WASL: variants seen among roughly 807,000 people sequenced by gnomAD.
The protein encoded by WASL is actin nucleation-promoting factor WASL.
Under a neutral mutation model 55.5 loss-of-function variants are expected in WASL, and 20 were observed. The ratio of observed to expected loss-of-function variants is 0.36; its 90% CI spans 0.25 to 0.52. The LOEUF is 0.52. Ranked by LOEUF, WASL falls within the 20% of genes least tolerant of loss-of-function variation. The probability of loss-of-function intolerance (pLI) is 0.92; values close to 1 mark genes in which losing one functional copy is unlikely to be tolerated. For synonymous variants in WASL, 249 were observed against 217.6 expected (o/e 1.14, Z -1.27); for missense variants, 504 against 622.5 (o/e 0.81, Z 2.03).
At position 123,731,709 on chromosome 7, in the gene WASL, C is replaced by T. The variant is rs140838571; in HGVS notation, c.117+16909G>A. On this transcript the variant is annotated intron_variant, in intron 1 of 10. Coordinates refer to ENST00000223023, the MANE Select transcript of WASL (RefSeq NM_003941.4). Reference sequence around the variant, plus strand: ...TAAATAATTCATGAGTCAAAGGAGTCTCAAGAGAAATTTTAAAATATTCTA... The same window carrying T: ...TAAATAATTCATGAGTCAAAGGAGTTTCAAGAGAAATTTTAAAATATTCTA... 3.6e-4 allele frequency among the ~76,000 whole-genome samples: 54 copies of T among 152,024 alleles called. 1 individual carries two copies. The East Asian group carries it at 0.01, about 28-fold the overall frequency.
intron 10 of WASL, among the ~76,000 whole-genome samples, chr7:123,687,846 A>G (rs1440952900): frequency 6.6e-6 from 1 of 152,132 alleles, no homozygotes; most frequent in East Asian, 1.9e-4. Flanking sequence ...TGCCTATTTA[A>G]GGAAAACAAA....
intron 5 of WASL, among the ~76,000 whole-genome samples, chr7:123,700,612 C>CA (rs1326395999): frequency 6.6e-6 from 1 of 151,956 alleles, no homozygotes; most frequent in Non-Finnish European, 1.5e-5. Context: ...GCTAATTTTT[C>CA]ATATTTTAGT....
intron 5 of WASL, among the ~76,000 whole-genome samples, chr7:123,704,370 T>C (rs997452686): frequency 6.6e-6 from 1 of 152,208 alleles, no homozygotes; most frequent in Non-Finnish European, 1.5e-5. Flanking sequence ...CTTCACCCTA[T>C]GTATTCTTTC....
At chr7:123,704,979 T>C (rs560814953) in intron 4 of WASL, among the ~76,000 whole-genome samples, 4 of 152,310 alleles carry the variant, frequency 2.6e-5, no homozygotes, top group East Asian at 1.9e-4. Context: ...TTAAGGACTA[T>C]AGATTTTATG....
At position 123,705,362 on chromosome 7, in the gene WASL, G is replaced by A. The variant is rs375066265; in HGVS notation, c.437-705C>T. On this transcript the variant is annotated intron_variant, in intron 4 of 10. Transcript: ENST00000223023. ...TAGGAACAGATCTGAGTGGGGCTAA[G>A]GTTCAGGATACAGGACATGGATCAA... 5.3e-5 allele frequency among the ~76,000 whole-genome samples: 8 copies of A among 152,310 alleles called. No homozygotes were observed. The East Asian group carries it at 7.7e-4, about 15-fold the overall frequency.
In WASL at chr7:123,748,667, G is replaced by T. The variant is rs375389969; in HGVS notation, c.68C>A (p.Thr23Asn). The T allele has an allele frequency of 6.0e-5, 97 of 1,612,918 alleles. No individual in the cohort carries two copies. The highest frequency in any genetic ancestry group is 8.1e-5 in the Non-Finnish European group (95 of 1,179,568). The change falls in exon 1 of 11, where the codon ACC (threonine) becomes AAC (asparagine). Residue 23 changes from threonine (T) to asparagine (N), a missense_variant. Thr to Asn is a moderately conservative substitution (Grantham distance 65). Transcript: ENST00000223023. ...RVTNVGSLLL[T>N]PQENESLFTF... Reference sequence around the variant, plus strand: ...GAAGAGGGACTCGTTCTCCTGCGGGGTGAGCAACAGGGACCCCACGTTGGT... The same window carrying T: ...GAAGAGGGACTCGTTCTCCTGCGGGTTGAGCAACAGGGACCCCACGTTGGT...
chr7:123,715,206 G>A (rs1290001860), intron 1 of WASL, among the ~76,000 whole-genome samples: 1 of 152,130 alleles, frequency 6.6e-6, no homozygotes, highest in Admixed American at 6.6e-5. Flanking sequence ...TTGTCTATGT[G>A]ACTTGTTTTG....
chr7:123,740,671 C>T (rs889347745), intron 1 of WASL, among the ~76,000 whole-genome samples: 1 of 152,100 alleles, frequency 6.6e-6, no homozygotes, highest in African/African-American at 2.4e-5. Context: ...TCATGGCTTA[C>T]TGCATCCTTG....
rs1803224308 is a variant in WASL, at chr7:123,683,051, A to C, written c.*1468T>G. The C allele has an allele frequency of 6.6e-6, 1 of 152,132 alleles. No homozygotes were observed. The highest frequency in any genetic ancestry group is 1.5e-5 in the Non-Finnish European group (1 of 67,996). 9.4% of individuals were successfully genotyped at this position (152,132 alleles called of 1,614,324 possible). A position where few individuals can be genotyped will look rare whatever the true frequency, so the allele number is the denominator to read the frequency against. ...AATTCAAGCCACATCTTGCAGGTCCAGCCTGTCAAGATCTGCCAATACGAG... is the reference window on the plus strand; with the variant it reads ...AATTCAAGCCACATCTTGCAGGTCCCGCCTGTCAAGATCTGCCAATACGAG... On this transcript the variant is annotated 3_prime_UTR_variant, in exon 11 of 11. Coordinates refer to ENST00000223023, the MANE Select transcript of WASL (RefSeq NM_003941.4).
intron 9 of WASL, among the ~76,000 whole-genome samples, chr7:123,689,638 A>G (rs1446657402): frequency 6.6e-6 from 1 of 152,210 alleles, no homozygotes; most frequent in Non-Finnish European, 1.5e-5. Context: ...TGTTACATTT[A>G]TACCTTCAAA....
At chr7:123,716,571 G>A (rs1803845524) in intron 1 of WASL, among the ~76,000 whole-genome samples, 1 of 151,720 alleles carries the variant, frequency 6.6e-6, no homozygotes, top group African/African-American at 2.4e-5. Flanking sequence ...TACTAGTGGA[G>A]CCCCAAGTCC....
intron 10 of WASL, 30 bp downstream of exon 10, chr7:123,689,006 GTCTCTC>G (rs3035629): frequency 0.052 from 65,517 of 1,252,598 alleles, 3 homozygotes; most frequent in South Asian, 0.08. Context: ...CACTCTCTCT[GTCTCTC>G]TCTCTCTCTC....
intron 1 of WASL, among the ~76,000 whole-genome samples, chr7:123,711,589 C>T (rs1424779112): frequency 1.3e-5 from 2 of 152,104 alleles, no homozygotes; most frequent in African/African-American, 4.8e-5. Context: ...AGAATAATTA[C>T]AGTGAATATG....
intron 1 of WASL, among the ~76,000 whole-genome samples, chr7:123,716,028 T>C (rs1203973915): frequency 6.6e-6 from 1 of 152,146 alleles, no homozygotes; most frequent in Non-Finnish European, 1.5e-5. Context: ...TCTTCTGCCC[T>C]ACCCTGTAAC....
intron 5 of WASL, among the ~76,000 whole-genome samples, chr7:123,701,650 G>C (rs1803591829): frequency 6.6e-6 from 1 of 152,186 alleles, no homozygotes; most frequent in Non-Finnish European, 1.5e-5. Context: ...AAGGATCTGA[G>C]ACAAAGCACC....
intron 1 of WASL, among the ~76,000 whole-genome samples, chr7:123,710,113 G>A (rs780839382): frequency 2.0e-5 from 3 of 151,978 alleles, no homozygotes; most frequent in Admixed American, 1.3e-4. Flanking sequence ...TTATAACCTA[G>A]AATGTAACTA....
intron 1 of WASL, among the ~76,000 whole-genome samples, chr7:123,743,771 C>G (rs2116829634): frequency 6.6e-6 from 1 of 152,256 alleles, no homozygotes; most frequent in East Asian, 1.9e-4. Context: ...CTTGACTAAG[C>G]CCATTTTACA....
At chr7:123,734,422 TGA>T (rs1804192212) in intron 1 of WASL, among the ~76,000 whole-genome samples, 1 of 151,874 alleles carries the variant, frequency 6.6e-6, no homozygotes, top group African/African-American at 2.4e-5. Context: ...GCAAAAGCAA[TGA>T]GATATGATAG....
In WASL at chr7:123,716,281, T is replaced by C. The variant is rs180822909; in HGVS notation, c.118-7058A>G. On this transcript the variant is annotated intron_variant, in intron 1 of 10. Coordinates refer to ENST00000223023, the MANE Select transcript of WASL (RefSeq NM_003941.4). The stretch of plus-strand genomic sequence containing the variant: ...AGGGTGGAGGAGTGCAATGGCACGA[T>C]CTTGGCTAACTGTAACCTCCGCCTC... Among the ~76,000 whole-genome samples, 3 of 152,200 alleles carry C rather than the reference T, an allele frequency of 2.0e-5. No homozygotes were observed. In the East Asian group the frequency reaches 5.8e-4, roughly 29 times the overall value.
Sources: gnomAD v4.1 joint callset for allele counts (sites outside exome capture counted in the v4.1 genomes callset) on GRCh38, gnomAD v4.1.1 for gene constraint, MANE v1.5 for transcripts, NCBI Gene and HGNC (gene_info 2026-07-23, HGNC 2026-07-21) for gene names.